Variants in VSIG10 observed in about 807,000 individuals in gnomAD.
The protein encoded by VSIG10 is V-set and immunoglobulin domain containing 10, also known as V-set and immunoglobulin domain-containing protein 10.
Under a neutral mutation model 58.7 loss-of-function variants are expected in VSIG10, and 48 were observed. The ratio of observed to expected loss-of-function variants is 0.82; its 90% CI spans 0.65 to 1.04. VSIG10 has a LOEUF of 1.04. Among genes scored for constraint, VSIG10 ranks in the 50% least tolerant of loss-of-function variants. The pLI, the probability that VSIG10 is intolerant of heterozygous loss-of-function variation, is 0.00. For synonymous variants in VSIG10, 260 were observed against 267.1 expected, an observed-to-expected ratio of 0.97 and a Z score of 0.26; for missense variants, 628 against 670.0, an observed-to-expected ratio of 0.94 and a Z score of 0.69.
chr12:118,099,119 C>T (rs77640380), intron 1 of VSIG10, among the ~76,000 whole-genome samples: 2,383 of 151,874 alleles, frequency 0.016, 114 homozygotes, highest in Admixed American at 0.099. Flanking sequence ...GTGAGTGTGC[C>T]TGCTCAGGCC....
intron 7 of VSIG10, among the ~76,000 whole-genome samples, chr12:118,070,123 G>C (rs944182131): frequency 6.6e-6 from 1 of 152,120 alleles, no homozygotes. Context: ...GGATCATAGA[G>C]AAGAGTACTC....
chr12:118,068,893 T>A (rs1044040127), intron 7 of VSIG10, among the ~76,000 whole-genome samples: 2 of 152,076 alleles, frequency 1.3e-5, no homozygotes, highest in Non-Finnish European at 2.9e-5. Context: ...TGTTTTTCCT[T>A]TTCTGAAATG....
intron 1 of VSIG10, among the ~76,000 whole-genome samples, chr12:118,096,895 C>T (rs1395155292): frequency 6.6e-6 from 1 of 151,174 alleles, no homozygotes; most frequent in African/African-American, 2.4e-5. Context: ...AAAAATTAGC[C>T]GGGCGTGGTG....
intron 2 of VSIG10, among the ~76,000 whole-genome samples, chr12:118,082,661 T>C (rs1213675927): frequency 6.6e-6 from 1 of 152,052 alleles, no homozygotes; most frequent in African/African-American, 2.4e-5. Flanking sequence ...AGCAAAAGTA[T>C]ACATTGCTCC....
At chr12:118,097,577 T>C (rs1447985342) in intron 1 of VSIG10, among the ~76,000 whole-genome samples, 1 of 152,016 alleles carries the variant, frequency 6.6e-6, no homozygotes, top group Non-Finnish European at 1.5e-5. Flanking sequence ...ATTGTGCCAC[T>C]GCACTGCAGC....
intron 1 of VSIG10, among the ~76,000 whole-genome samples, chr12:118,096,594 A>AG (rs1224558914): frequency 2.0e-5 from 3 of 147,332 alleles, no homozygotes; most frequent in Admixed American, 2.0e-4. Flanking sequence ...AAAAAAAAAA[A>AG]GCACAAAAAA....
At position 118,066,566 on chromosome 12, in the gene VSIG10, C is replaced by G. The variant is rs1593484498; in HGVS notation, c.*73G>C. The G allele has an allele frequency of 2.6e-6, 4 of 1,567,894 alleles. No homozygotes were observed. The East Asian group carries it at 9.0e-5, about 35-fold the overall frequency. On this transcript the variant is annotated 3_prime_UTR_variant, in exon 9 of 9. Transcript: ENST00000359236. ...GCCAGGGGTGCAGGTGGAGTCAAAG[C>G]TGAATGAAGAGCTCGTCTTCAATGT...
chr12:118,093,258 CACTG>C (rs1344502567), intron 2 of VSIG10, among the ~76,000 whole-genome samples: 1 of 151,014 alleles, frequency 6.6e-6, no homozygotes, highest in Non-Finnish European at 1.5e-5. Context: ...GAGATTGCGC[CACTG>C]CACTCCAGCC....
At chr12:118,094,153 A>C (rs2033377819) in intron 2 of VSIG10, among the ~76,000 whole-genome samples, 2 of 152,010 alleles carry the variant, frequency 1.3e-5, no homozygotes, top group African/African-American at 2.4e-5. Flanking sequence ...GCTGGAGTGC[A>C]GTGGCTATTG....
intron 3 of VSIG10, among the ~76,000 whole-genome samples, chr12:118,081,233 G>C (rs538255455): frequency 6.6e-6 from 1 of 152,114 alleles, no homozygotes. Flanking sequence ...GTGACAGAGC[G>C]AGACTCGGTC....
At chr12:118,094,253 T>C (rs532853845) in intron 2 of VSIG10, among the ~76,000 whole-genome samples, 67 of 152,288 alleles carry the variant, frequency 4.4e-4, no homozygotes, top group African/African-American at 1.6e-3. Flanking sequence ...CCACCGCACC[T>C]GGCTTTGATT....
Position 118,079,486 on chromosome 12 carries a change from G to A in VSIG10, c.785C>T (p.Pro262Leu), listed in dbSNP as rs1408482183. ...PDPDFLWIEE[P>L]GGVIVGKSKL... ...TGACTTCCCCACGATTACACCTCCT[G>A]GCTCTTCTATCCACAGGAAGTCAGG... The change falls in exon 4 of 9, where the codon CCA (proline) becomes CTA (leucine). Residue 262 changes from proline (P) to leucine (L), a missense_variant. Physicochemically the swap from Pro to Leu is moderately conservative, Grantham distance 98. Transcript: ENST00000359236. 1.9e-6 allele frequency: 3 copies of A among 1,613,988 alleles called. No homozygotes were observed. Among genetic ancestry groups the A allele is most frequent in the African/African-American group, 1.3e-5 (1 of 75,032 alleles).
At position 118,071,053 on chromosome 12, in the gene VSIG10, T is replaced by C. The variant is rs1403752069; in HGVS notation, c.1345A>G (p.Arg449Gly). The change falls in exon 7 of 9, where the codon AGG becomes GGG. Residue 449 changes from arginine to glycine, a missense_variant and splice_region_variant. Transcript: ENST00000359236. ...VFCWKVGNTS[R>G]GQNMDDVMVL... ...GGTTTGATTCTAGGGAACACTCACC[T>C]GGAAGTGTTTCCTACTGAAGAGAGA... 6.2e-7 allele frequency: 1 copy of C among 1,601,096 alleles called. No homozygotes were observed. Among genetic ancestry groups the C allele is most frequent in the African/African-American group, 1.3e-5 (1 of 74,814 alleles).
chr12:118,072,910 T>C (rs2032557162), intron 5 of VSIG10, among the ~76,000 whole-genome samples: 2 of 152,172 alleles, frequency 1.3e-5, no homozygotes, highest in African/African-American at 4.8e-5. Flanking sequence ...GGGACACACT[T>C]ATACTTAAAA....
At chr12:118,102,357 C>T (rs1645640769) in intron 1 of VSIG10, 1 of 152,342 alleles carries the variant, frequency 6.6e-6, no homozygotes, top group African/African-American at 2.4e-5. Flanking sequence ...CACCCCAGCA[C>T]AGTGATTACT....
At chr12:118,098,665 A>T (rs1027071069) in intron 1 of VSIG10, among the ~76,000 whole-genome samples, 2 of 152,162 alleles carry the variant, frequency 1.3e-5, no homozygotes, top group Non-Finnish European at 2.9e-5. Flanking sequence ...GTCAGGAAAC[A>T]CTTCCCCCAG....
At chr12:118,076,053 A>C (rs150159110) in intron 4 of VSIG10, among the ~76,000 whole-genome samples, 1 of 152,372 alleles carries the variant, frequency 6.6e-6, no homozygotes, top group East Asian at 1.9e-4. Flanking sequence ...TCGTATAAAA[A>C]TGGACACATA....
intron 2 of VSIG10, among the ~76,000 whole-genome samples, 175 bp downstream of exon 2, chr12:118,095,358 C>T (rs2033417330): frequency 6.6e-6 from 1 of 152,162 alleles, no homozygotes; most frequent in Admixed American, 6.6e-5. Flanking sequence ...TTCTTTTTAT[C>T]TCCATTTTAC....
intron 1 of VSIG10, among the ~76,000 whole-genome samples, chr12:118,097,923 CAAAT>C (rs1002361477): frequency 1.1e-4 from 17 of 152,120 alleles, no homozygotes; most frequent in African/African-American, 3.4e-4. Flanking sequence ...AACTCTGTCT[CAAAT>C]AAATAAATAA....
Sources: allele counts gnomAD v4.1 joint callset (sites outside exome capture counted in the v4.1 genomes callset), GRCh38; gene constraint gnomAD v4.1.1; transcripts MANE v1.5; gene names NCBI Gene and HGNC (gene_info 2026-07-23, HGNC 2026-07-21).